The following SLC4A4 variants were observed in gnomAD, a reference collection of about 807,000 sequenced individuals.
SLC4A4 encodes electrogenic sodium bicarbonate cotransporter 1.
SLC4A4 carries 27 observed loss-of-function variants against 111.5 expected under a neutral mutation model. That is an observed-to-expected ratio of 0.24 (90% CI 0.18 to 0.33). SLC4A4 has a LOEUF of 0.33. Among genes scored for constraint, SLC4A4 ranks in the 10% least tolerant of loss-of-function variants. The pLI is 1.00. For synonymous variants in SLC4A4, 443 were observed against 463.4 expected, an observed-to-expected ratio of 0.96 and a Z score of 0.57; for missense variants, 909 against 1,315.5, an observed-to-expected ratio of 0.69 and a Z score of 4.78.
chr4:71,442,424 G>C (rs1426432385), intron 8 of SLC4A4, among the ~76,000 whole-genome samples: 1 of 152,138 alleles, frequency 6.6e-6, no homozygotes, highest in Non-Finnish European at 1.5e-5. Context: ...ATCCTTGCAT[G>C]TTAACATTTT....
chr4:71,500,398 A>G (rs1299447716), intron 16 of SLC4A4, among the ~76,000 whole-genome samples: 1 of 152,166 alleles, frequency 6.6e-6, no homozygotes, highest in African/African-American at 2.4e-5. Context: ...GCCCAGACTA[A>G]TGTCATGGAG....
intron 4 of SLC4A4, among the ~76,000 whole-genome samples, chr4:71,344,249 C>G (rs185816177): frequency 1.3e-5 from 2 of 152,220 alleles, no homozygotes; most frequent in East Asian, 3.9e-4. Flanking sequence ...GAAATAGAAC[C>G]TTGATTCTTG....
intron 2 of SLC4A4, among the ~76,000 whole-genome samples, chr4:71,253,296 C>G (rs1721205911): frequency 6.6e-6 from 1 of 152,092 alleles, no homozygotes; most frequent in Non-Finnish European, 1.5e-5. Context: ...AGCATCTTAT[C>G]CACCCATATA....
chr4:71,419,106 G>T (rs1343139020), intron 7 of SLC4A4, among the ~76,000 whole-genome samples: 4 of 152,146 alleles, frequency 2.6e-5, no homozygotes, highest in Admixed American at 1.3e-4. Context: ...GCCCCTACTG[G>T]GGGGTGCCTC....
rs1438919138 is a variant in SLC4A4, at chr4:71,569,034, G to A, written c.*1283G>A. The A allele has an allele frequency of 6.6e-6, 1 of 151,628 alleles. No homozygotes were observed. Among genetic ancestry groups the A allele is most frequent in the Non-Finnish European group, 1.5e-5 (1 of 67,776 alleles). The allele number at this position is 151,628 out of a possible 1,614,324, so 9.4% of individuals were successfully genotyped here. ...GACATTTTCTCATTTTGAAATATTTGTGTGTTTGTGTATGTGCTCTGTGCC... is the reference window on the plus strand; with the variant it reads ...GACATTTTCTCATTTTGAAATATTTATGTGTTTGTGTATGTGCTCTGTGCC... On this transcript the variant is annotated 3_prime_UTR_variant, in exon 26 of 26. Transcript: ENST00000264485.
chr4:71,429,613 C>CA (rs1723461262), intron 7 of SLC4A4, among the ~76,000 whole-genome samples: 1 of 152,064 alleles, frequency 6.6e-6, no homozygotes, highest in Non-Finnish European at 1.5e-5. Context: ...GTGAACTAGT[C>CA]AAAGTATTTT....
At chr4:71,534,652 A>G (rs868595679) in intron 18 of SLC4A4, among the ~76,000 whole-genome samples, 2 of 152,116 alleles carry the variant, frequency 1.3e-5, no homozygotes, top group African/African-American at 4.8e-5. Flanking sequence ...ATAATTTACT[A>G]TTTAGCCACA....
chr4:71,450,619 G>C, intron 10 of SLC4A4, 76 bp downstream of exon 10: 1 of 1,315,828 alleles, frequency 7.6e-7, no homozygotes. Flanking sequence ...AAAAAAAAGT[G>C]AAGTCAACCT....
At chr4:71,386,641 T>G (rs1016932086) in intron 6 of SLC4A4, among the ~76,000 whole-genome samples, 47 of 152,264 alleles carry the variant, frequency 3.1e-4, no homozygotes, top group Non-Finnish European at 6.5e-4. Context: ...AAGGTAATTA[T>G]TGGTCTAATC....
intron 12 of SLC4A4, among the ~76,000 whole-genome samples, chr4:71,464,834 T>C (rs1727165686): frequency 6.6e-6 from 1 of 152,164 alleles, no homozygotes; most frequent in Non-Finnish European, 1.5e-5. Context: ...TTGTAAGAAA[T>C]ATTTTGAGTA....
chr4:71,313,571 G>A (rs1031826435), intron 3 of SLC4A4, among the ~76,000 whole-genome samples: 1 of 152,122 alleles, frequency 6.6e-6, no homozygotes, highest in African/African-American at 2.4e-5. Flanking sequence ...TACCAAAACA[G>A]ATATATAGAC....
intron 15 of SLC4A4, among the ~76,000 whole-genome samples, chr4:71,488,888 ATGTGTGTGTGTGTGTG>A (rs66801188): frequency 1.4e-5 from 2 of 140,588 alleles, no homozygotes; most frequent in Admixed American, 7.1e-5. Context: ...AGAAGAAAAA[ATGTGTGTGTGTGTGTG>A]TGTGTGTGTG....
At chr4:71,460,878 T>G (rs576403845) in intron 12 of SLC4A4, among the ~76,000 whole-genome samples, 1 of 152,156 alleles carries the variant, frequency 6.6e-6, no homozygotes, top group Non-Finnish European at 1.5e-5. Flanking sequence ...CAGTATTTTT[T>G]TTATTAAAAA....
At chr4:71,555,735 C>A (rs1008118650) in intron 21 of SLC4A4, among the ~76,000 whole-genome samples, 3 of 151,936 alleles carry the variant, frequency 2.0e-5, no homozygotes, top group Non-Finnish European at 4.4e-5. Context: ...AACTGACACA[C>A]TTTTAATAAA....
At position 71,440,878 on chromosome 4, in the gene SLC4A4, T is replaced by C. The variant is rs992135153; in HGVS notation, c.965+105T>C. The stretch of plus-strand genomic sequence containing the variant: ...TGAGGAAATATTTAGTGCAAACACA[T>C]TGGAGAGGTTTAACTTGAAATAATG... On this transcript the variant is annotated intron_variant, in intron 8 of 25. Transcript: ENST00000264485. 77 of 1,283,326 alleles carry C rather than the reference T, an allele frequency of 6.0e-5. No homozygotes were observed. The African/African-American group carries it at 7.6e-4, about 13-fold the overall frequency. The allele number at this position is 1,283,326 out of a possible 1,614,324, so 79.5% of individuals were successfully genotyped here. A position where few individuals can be genotyped will look rare whatever the true frequency, so the allele number is the denominator to read the frequency against.
intron 6 of SLC4A4, among the ~76,000 whole-genome samples, chr4:71,374,785 G>GTT (rs558530187): frequency 6.8e-6 from 1 of 146,384 alleles, no homozygotes; most frequent in African/African-American, 2.5e-5. Flanking sequence ...TTGTAAAACA[G>GTT]TTTTTTTTTT....
chr4:71,301,428 A>C (rs1294844109), intron 3 of SLC4A4, among the ~76,000 whole-genome samples: 1 of 152,098 alleles, frequency 6.6e-6, no homozygotes, highest in Non-Finnish European at 1.5e-5. Context: ...TAGGAGAGGG[A>C]AGAAGGAATC....
chr4:71,478,604 G>C (rs1346590850), intron 14 of SLC4A4, among the ~76,000 whole-genome samples: 1 of 150,252 alleles, frequency 6.7e-6, no homozygotes, highest in Non-Finnish European at 1.5e-5. Context: ...ACCGGGGTCT[G>C]TTAGGGGGTT....
chr4:71,286,170 G>A (rs1402555492), intron 3 of SLC4A4, among the ~76,000 whole-genome samples: 9 of 152,150 alleles, frequency 5.9e-5, no homozygotes, highest in African/African-American at 1.9e-4. Context: ...AACCTGGGAG[G>A]TGGAGCTTTC....
Sources: gnomAD v4.1 joint callset for allele counts (sites outside exome capture counted in the v4.1 genomes callset) on GRCh38, gnomAD v4.1.1 for gene constraint, MANE v1.5 for transcripts, NCBI Gene and HGNC (gene_info 2026-07-23, HGNC 2026-07-21) for gene names.